EIF4G3: variants seen among roughly 807,000 people sequenced by gnomAD.
The protein encoded by EIF4G3 is eukaryotic translation initiation factor 4 gamma 3.
In EIF4G3, 34 loss-of-function variants were observed where a neutral mutation model predicts 186.4. That is an observed-to-expected ratio of 0.18 (90% confidence interval 0.14 to 0.24). EIF4G3 has a LOEUF of 0.24. Ranked by LOEUF, EIF4G3 falls within the 10% of genes least tolerant of loss-of-function variation. EIF4G3 has a pLI of 1.00. For missense variants in EIF4G3, 1,536 were observed against 1,948.5 expected (o/e 0.79, Z 3.99); for synonymous variants, 673 against 679.5 (o/e 0.99, Z 0.15).
intron 30 of EIF4G3, among the ~76,000 whole-genome samples, chr1:20,833,654 A>C (rs774729201): frequency 2.0e-5 from 3 of 152,152 alleles, no homozygotes; most frequent in Non-Finnish European, 2.9e-5. Flanking sequence ...TTGAATAGGA[A>C]ATCAATAAAT....
intron 2 of EIF4G3, among the ~76,000 whole-genome samples, chr1:21,159,487 A>T (rs2097721637): frequency 6.6e-6 from 1 of 152,066 alleles, no homozygotes; most frequent in African/African-American, 2.4e-5. Flanking sequence ...CTGTAATCCC[A>T]GCACTTTGGG....
At chr1:20,889,079 T>C (rs1402187283) in intron 18 of EIF4G3, among the ~76,000 whole-genome samples, 1 of 152,222 alleles carries the variant, frequency 6.6e-6, no homozygotes, top group Non-Finnish European at 1.5e-5. Context: ...ATTTTCTTTT[T>C]TCAGGTGACG....
intron 2 of EIF4G3, among the ~76,000 whole-genome samples, chr1:21,172,361 C>T (rs1447812223): frequency 6.6e-6 from 1 of 152,100 alleles, no homozygotes. Flanking sequence ...TGCCTCATGA[C>T]GTTTTGTTTA....
intron 14 of EIF4G3, among the ~76,000 whole-genome samples, chr1:20,918,701 C>CTTTTTTTTTTTTTTTTTTTTTTTTTTTT (rs35704755): frequency 2.1e-5 from 2 of 94,902 alleles, no homozygotes; most frequent in African/African-American, 4.4e-5. Context: ...CTCCTAGTAT[C>CTTTTTTTTTTTTTTTTTTTTTTTTTTTT]TTTTTTTTTT....
Position 21,098,540 on chromosome 1 carries a change from GAAAAAA to G in EIF4G3, c.-271-9333_-271-9328del, listed in dbSNP as rs59544256. The stretch of plus-strand genomic sequence containing the variant: ...GGCAACCAGAGCGAGGCCCTGTCTC[GAAAAAA>G]AAAAAAAAAAAAAAAAAGAAGAAGA... On this transcript the variant is annotated intron_variant, in intron 2 of 36. Coordinates refer to ENST00000602326, the MANE Select transcript of EIF4G3 (RefSeq NM_001391906.1). Among the ~76,000 whole-genome samples the G allele has an allele frequency of 3.6e-3, 260 of 72,724 alleles. 3 individuals are homozygous for G. In the East Asian group the frequency reaches 0.058, roughly 16 times the overall value. The allele number at this position is 72,724 out of a possible 152,430, so 47.7% of individuals were successfully genotyped here.
At chr1:20,898,051 T>C (rs2088937337) in intron 16 of EIF4G3, among the ~76,000 whole-genome samples, 1 of 152,180 alleles carries the variant, frequency 6.6e-6, no homozygotes, top group Non-Finnish European at 1.5e-5. Context: ...CAAGCCTAGA[T>C]CTTTTTCTTT....
intron 4 of EIF4G3, among the ~76,000 whole-genome samples, chr1:21,041,467 T>C (rs2093576457): frequency 6.6e-6 from 1 of 152,216 alleles, no homozygotes; most frequent in African/African-American, 2.4e-5. Flanking sequence ...AATAGTTTAG[T>C]GTAATTTATT....
chr1:21,046,283 CTAAT>C (rs1002841310), intron 4 of EIF4G3, among the ~76,000 whole-genome samples: 1 of 152,144 alleles, frequency 6.6e-6, no homozygotes, highest in African/African-American at 2.4e-5. Context: ...AAGTCTTTGA[CTAAT>C]TAAACAAAAT....
Position 20,818,340 on chromosome 1 carries a change from T to A in EIF4G3, c.4369-802A>T, listed in dbSNP as rs181873847. Among the ~76,000 whole-genome samples the A allele has an allele frequency of 4.3e-3, 652 of 152,262 alleles. 4 individuals are homozygous for A. Among genetic ancestry groups the A allele is most frequent in the Non-Finnish European group, 5.6e-3 (379 of 68,030 alleles). On this transcript the variant is annotated intron_variant, in intron 33 of 36. Transcript: ENST00000602326. ...TGTTTAGCACTTAGATACATAGTTT[T>A]AAAAAATCTATAATCAGGCTGGGCG...
At chr1:20,862,129 CTA>C (rs2076507701) in intron 23 of EIF4G3, 97 bp downstream of exon 23, 2 of 689,718 alleles carry the variant, frequency 2.9e-6, no homozygotes, top group Non-Finnish European at 4.7e-6. Context: ...AGCAAAAGCA[CTA>C]TCTTTACACA....
Position 21,133,908 on chromosome 1 carries a change from T to C in EIF4G3, c.-272+42267A>G, listed in dbSNP as rs577511160. ...TAAATAAGTATCATCAGAATTCAGA[T>C]GCTTAAAGGTCACCATCATCACAAT... On this transcript the variant is annotated intron_variant, in intron 2 of 36. Coordinates refer to ENST00000602326, the MANE Select transcript of EIF4G3 (RefSeq NM_001391906.1). 8.1e-4 allele frequency among the ~76,000 whole-genome samples: 124 copies of C among 152,320 alleles called. 4 individuals are homozygous for C. The South Asian group carries it at 0.017, about 21-fold the overall frequency.
chr1:20,927,907 G>C (rs546548663), intron 14 of EIF4G3, among the ~76,000 whole-genome samples: 1 of 152,234 alleles, frequency 6.6e-6, no homozygotes, highest in South Asian at 2.1e-4. Context: ...ACCCAGGCTG[G>C]AGAGCAGTGG....
chr1:20,969,715 C>A, intron 11 of EIF4G3, 119 bp from the exon 12 acceptor site: 2 of 907,884 alleles, frequency 2.2e-6, no homozygotes, highest in African/African-American at 1.7e-5. Flanking sequence ...AGGTGATAAT[C>A]ACCACATTTG....
At chr1:21,165,376 T>A (rs2097840603) in intron 2 of EIF4G3, among the ~76,000 whole-genome samples, 1 of 152,112 alleles carries the variant, frequency 6.6e-6, no homozygotes. Flanking sequence ...TATAAAAACA[T>A]CCATGAACGG....
chr1:20,925,546 G>A (rs190245802), intron 14 of EIF4G3, among the ~76,000 whole-genome samples: 21 of 152,138 alleles, frequency 1.4e-4, no homozygotes, highest in African/African-American at 2.2e-4. Context: ...ATTTCTATAC[G>A]TTTTAGCAAC....
At chr1:20,999,802 G>A (rs1448222357) in intron 6 of EIF4G3, 3 of 404,782 alleles carry the variant, frequency 7.4e-6, no homozygotes, top group East Asian at 7.4e-5. Context: ...AACTGTAGTC[G>A]CTGCTGGCTC....
At chr1:21,117,320 CAAT>C (rs1363095408) in intron 2 of EIF4G3, among the ~76,000 whole-genome samples, 5 of 151,956 alleles carry the variant, frequency 3.3e-5, no homozygotes, top group South Asian at 2.1e-4. Context: ...CAAGCACCAA[CAAT>C]GAGTTAGATG....
Position 21,030,975 on chromosome 1 carries a change from C to G in EIF4G3, c.-67+19891G>C, listed in dbSNP as rs1027591401. Among the ~76,000 whole-genome samples, 3 of 152,114 alleles carry G rather than the reference C, an allele frequency of 2.0e-5. No homozygotes were observed. In the East Asian group the frequency reaches 5.8e-4, roughly 29 times the overall value. On this transcript the variant is annotated intron_variant, in intron 4 of 36. Coordinates refer to ENST00000602326, the MANE Select transcript of EIF4G3 (RefSeq NM_001391906.1). Reference sequence around the variant, plus strand: ...CTGAAGTGGGTGGATCACTTGAGGTCAGGAGTTCAAGATCAGCCTGGCCAA... The same window carrying G: ...CTGAAGTGGGTGGATCACTTGAGGTGAGGAGTTCAAGATCAGCCTGGCCAA...
intron 13 of EIF4G3, among the ~76,000 whole-genome samples, chr1:20,949,092 T>A (rs140554078): frequency 1.3e-5 from 2 of 152,216 alleles, no homozygotes; most frequent in African/African-American, 4.8e-5. Flanking sequence ...GTACATGGCT[T>A]CCATATTGAT....
Sources: allele counts gnomAD v4.1 joint callset (sites outside exome capture counted in the v4.1 genomes callset), GRCh38; gene constraint gnomAD v4.1.1; transcripts MANE v1.5; gene names NCBI Gene and HGNC (gene_info 2026-07-23, HGNC 2026-07-21).